CPED1: variants seen among roughly 807,000 people sequenced by gnomAD.
CPED1 encodes the protein cadherin-like and PC-esterase domain-containing protein 1.
Under a neutral mutation model 128.2 loss-of-function variants are expected in CPED1, and 114 were observed. The observed-to-expected ratio is 0.89, with a 90% CI of 0.76 to 1.04. The LOEUF is 1.04. Among genes scored for constraint, CPED1 ranks in the 50% least tolerant of loss-of-function variants. CPED1 has a pLI of 0.00. For synonymous variants in CPED1, 462 were observed against 426.7 expected (o/e 1.08, Z -1.02); for missense variants, 1,211 against 1,207.1 (o/e 1.00, Z -0.05).
rs750264541 is a variant in CPED1 at position 121,266,749 on chromosome 7, TG to T, written c.2576del (p.Gly859ValfsTer18). 1 of 1,613,100 alleles carries T rather than the reference TG, an allele frequency of 6.2e-7. No homozygotes were observed. The highest frequency in any genetic ancestry group is 8.5e-7 in the Non-Finnish European group (1 of 1,179,352). ...ATACTGGCCAGACTGTATTGGTTGT[TG>T]GTGGTGTTCAGTGGCTTAATTCCAA... ...ENTGQTVLVV[G>X]GVQWLNSNHL... is the part of the protein sequence containing the mutation. On this transcript the variant is annotated frameshift_variant, in exon 20 of 23. Coordinates refer to ENST00000310396, the MANE Select transcript of CPED1 (RefSeq NM_024913.5). LOFTEE classifies it high-confidence loss of function.
chr7:121,099,100 A>AC (rs1202686868), intron 6 of CPED1, among the ~76,000 whole-genome samples: 1 of 151,286 alleles, frequency 6.6e-6, no homozygotes, highest in African/African-American at 2.4e-5. Flanking sequence ...GTAAGATTGA[A>AC]CTAGTGGGGA....
chr7:121,171,068 A>G (rs1796640862), intron 16 of CPED1, among the ~76,000 whole-genome samples: 1 of 152,210 alleles, frequency 6.6e-6, no homozygotes, highest in African/African-American at 2.4e-5. Context: ...ACATAAAAAA[A>G]AAAATAAGAA....
intron 8 of CPED1, among the ~76,000 whole-genome samples, chr7:121,124,780 G>C (rs1795465760): frequency 6.6e-6 from 1 of 152,070 alleles, no homozygotes; most frequent in African/African-American, 2.4e-5. Flanking sequence ...TAGATACTTG[G>C]CATTGACTAG....
intron 21 of CPED1, among the ~76,000 whole-genome samples, chr7:121,268,669 C>T (rs544504095): frequency 1.3e-5 from 2 of 152,028 alleles, no homozygotes; most frequent in African/African-American, 2.4e-5. Flanking sequence ...CACATTCACA[C>T]TCACAACACC....
At chr7:121,136,344 C>T (rs2116351410) in intron 14 of CPED1, among the ~76,000 whole-genome samples, 1 of 152,118 alleles carries the variant, frequency 6.6e-6, no homozygotes, top group Non-Finnish European at 1.5e-5. Flanking sequence ...AGTTGTAGGG[C>T]ATTGCCTTGG....
At chr7:121,218,463 A>G (rs1797808552) in intron 16 of CPED1, among the ~76,000 whole-genome samples, 1 of 152,000 alleles carries the variant, frequency 6.6e-6, no homozygotes, top group African/African-American at 2.4e-5. Context: ...TTAGCAGACT[A>G]TTTATATGTG....
At chr7:121,193,004 G>A (rs1029460856) in intron 16 of CPED1, among the ~76,000 whole-genome samples, 1 of 152,154 alleles carries the variant, frequency 6.6e-6, no homozygotes, top group African/African-American at 2.4e-5. Context: ...CCTAGATCAG[G>A]TTTCCTTTTG....
chr7:121,114,504 A>G (rs755794119), intron 7 of CPED1, among the ~76,000 whole-genome samples: 4 of 152,250 alleles, frequency 2.6e-5, no homozygotes, highest in Admixed American at 6.5e-5. Context: ...AACATCATCA[A>G]TATAGGACAA....
At chr7:121,001,332 A>G (rs1045963675) in intron 2 of CPED1, among the ~76,000 whole-genome samples, 1 of 152,104 alleles carries the variant, frequency 6.6e-6, no homozygotes, top group Admixed American at 6.6e-5. Flanking sequence ...AAATTTTGAT[A>G]TTTTAGTTCT....
intron 22 of CPED1, among the ~76,000 whole-genome samples, chr7:121,276,563 A>G (rs1380335307): frequency 6.6e-6 from 1 of 152,164 alleles, no homozygotes; most frequent in African/African-American, 2.4e-5. Flanking sequence ...AATACCTTTG[A>G]TAGCACATCA....
chr7:121,265,739 G>A (rs1792108769), intron 18 of CPED1, among the ~76,000 whole-genome samples: 1 of 152,008 alleles, frequency 6.6e-6, no homozygotes, highest in Non-Finnish European at 1.5e-5. Flanking sequence ...GGCACCCTAG[G>A]ACATGCACCG....
intron 2 of CPED1, among the ~76,000 whole-genome samples, chr7:120,998,473 C>T (rs1011255525): frequency 6.6e-5 from 10 of 152,080 alleles, no homozygotes; most frequent in Admixed American, 2.6e-4. Context: ...CTTAAAGTGT[C>T]TGGCAGATAG....
At position 121,104,561 on chromosome 7, in the gene CPED1, A is replaced by G. The variant is rs143536291; in HGVS notation, c.918+4467A>G. 3.0e-4 allele frequency among the ~76,000 whole-genome samples: 45 copies of G among 152,284 alleles called. 2 individuals are homozygous for G. The East Asian group carries it at 8.5e-3, about 29-fold the overall frequency. On this transcript the variant is annotated intron_variant, in intron 7 of 22. Transcript: ENST00000310396. ...TATTTTTATGAAAATGTATCGCTGA[A>G]GAGATTTGTGACTTCTGGCAGAAAA...
At chr7:121,275,652 G>C (rs995663526) in intron 22 of CPED1, among the ~76,000 whole-genome samples, 2 of 152,040 alleles carry the variant, frequency 1.3e-5, no homozygotes, top group African/African-American at 4.8e-5. Context: ...TTTTGACTCA[G>C]TCAACAAAAA....
At chr7:121,262,115 TAA>T (rs1562855100) in intron 18 of CPED1, among the ~76,000 whole-genome samples, 1 of 151,980 alleles carries the variant, frequency 6.6e-6, no homozygotes, top group Non-Finnish European at 1.5e-5. Context: ...GCTGGTCATT[TAA>T]AAGAGCCTGG....
intron 4 of CPED1, among the ~76,000 whole-genome samples, chr7:121,058,077 G>A (rs1029602041): frequency 6.6e-6 from 1 of 152,098 alleles, no homozygotes; most frequent in African/African-American, 2.4e-5. Flanking sequence ...GTTGAGGAAC[G>A]TAAGGAGTTC....
chr7:121,281,619 A>G (rs1792463956), intron 22 of CPED1, among the ~76,000 whole-genome samples: 1 of 152,208 alleles, frequency 6.6e-6, no homozygotes, highest in Admixed American at 6.6e-5. Context: ...AATTCTTGCT[A>G]CACTGAGTCA....
At chr7:121,001,113 T>A (rs1049261540) in intron 2 of CPED1, among the ~76,000 whole-genome samples, 5 of 152,162 alleles carry the variant, frequency 3.3e-5, no homozygotes, top group African/African-American at 1.2e-4. Flanking sequence ...CCCTGTGTTT[T>A]CTTCGGTACA....
chr7:121,246,644 A>C (rs1347377472), intron 18 of CPED1, among the ~76,000 whole-genome samples: 1 of 152,176 alleles, frequency 6.6e-6, no homozygotes, highest in African/African-American at 2.4e-5. Flanking sequence ...ATAGCATCAC[A>C]TTGGAGATTA....
Sources: allele counts gnomAD v4.1 joint callset (sites outside exome capture counted in the v4.1 genomes callset), GRCh38; gene constraint gnomAD v4.1.1; transcripts MANE v1.5; gene names NCBI Gene and HGNC (gene_info 2026-07-23, HGNC 2026-07-21).